CC2D2A: variants seen among roughly 807,000 people sequenced by gnomAD.
CC2D2A encodes coiled-coil and C2 domain-containing protein 2A.
A neutral mutation model predicts 212.9 loss-of-function variants in CC2D2A; 155 were observed. That is an observed-to-expected ratio of 0.73 (90% CI 0.64 to 0.83). The LOEUF (loss-of-function observed/expected upper bound fraction) is 0.83, where lower values mean the gene tolerates loss of function less well. CC2D2A is among the 40% of genes least tolerant of loss of function. The probability of loss-of-function intolerance (pLI) is 0.00; values close to 1 mark genes in which losing one functional copy is unlikely to be tolerated. For missense variants in CC2D2A, 1,856 were observed against 1,956.2 expected, an observed-to-expected ratio of 0.95 and a Z score of 0.97; for synonymous variants, 667 against 686.5, an observed-to-expected ratio of 0.97 and a Z score of 0.44.
intron 4 of CC2D2A, among the ~76,000 whole-genome samples, chr4:15,494,977 C>T (rs1715530202): frequency 6.6e-6 from 1 of 152,164 alleles, no homozygotes; most frequent in South Asian, 2.1e-4. Flanking sequence ...GGGTAAACTG[C>T]ATATTGAGGG....
chr4:15,574,460 C>T, intron 29 of CC2D2A, 134 bp downstream of exon 29: 4 of 668,402 alleles, frequency 6.0e-6, no homozygotes, highest in Non-Finnish European at 9.4e-6. Context: ...ATTATTCTTT[C>T]AGTTTAGATA....
At chr4:15,547,004 A>T (rs537888573) in intron 17 of CC2D2A, among the ~76,000 whole-genome samples, 19 of 152,278 alleles carry the variant, frequency 1.2e-4, no homozygotes, top group Non-Finnish European at 2.1e-4. Context: ...TAATGGGAGA[A>T]TTCCCATTAA....
rs1560188288 is a variant in CC2D2A at position 15,570,447 on chromosome 4, G to A, written c.3545G>A (p.Trp1182Ter). The A allele has an allele frequency of 6.2e-7, 1 of 1,608,906 alleles. No individual in the cohort carries two copies. The highest frequency in any genetic ancestry group is 2.2e-5 in the East Asian group (1 of 44,778). ...SGIHTRIERH[W>*]LGCVKMPFST... ...ATCCATACTCGTATTGAGAGACACTGGCTGGGATGTGTGAAAATGCCATTT... is the reference window on the plus strand; with the variant it reads ...ATCCATACTCGTATTGAGAGACACTAGCTGGGATGTGTGAAAATGCCATTT... The change falls in exon 28 of 37, where the codon TGG becomes TAG. Residue 1182 changes from tryptophan (W) to a stop codon, truncating the protein, a stop_gained. Transcript: ENST00000424120. LOFTEE classifies it high-confidence loss of function.
In CC2D2A at chr4:15,601,218, A is replaced by G. The variant is rs760384221; in HGVS notation, c.4675-19A>G. The stretch of plus-strand genomic sequence containing the variant: ...ATCTTCAAACTTCACTAATGACTAC[A>G]AATGTTTTTTCCCTTCAGTTCTCTG... On this transcript the variant is annotated intron_variant, in intron 36 of 36. Transcript: ENST00000424120. 1.4e-5 allele frequency: 22 copies of G among 1,598,396 alleles called. No homozygotes were observed. In the East Asian group the frequency reaches 2.5e-4, roughly 18 times the overall value.
chr4:15,580,736 G>A (rs562744492), intron 30 of CC2D2A, among the ~76,000 whole-genome samples: 1 of 150,592 alleles, frequency 6.6e-6, no homozygotes, highest in African/African-American at 2.4e-5. Flanking sequence ...CTTCCAAAAT[G>A]TATTACATAA....
chr4:15,567,773 G>C lies in CC2D2A; in HGVS notation c.3385G>C (p.Glu1129Gln). The change falls in exon 26 of 37, where the codon GAA becomes CAA. Residue 1129 changes from glutamate to glutamine, a missense_variant. Around this residue, in one of 5 missense-constraint regions of CC2D2A, gnomAD observed 1,512 missense variants for 1,579.3 expected, o/e 0.96. Transcript: ENST00000424120. Reference protein sequence around the residue: ...GPNPSWNEELELPFRAPNGDY... With the variant: ...GPNPSWNEELQLPFRAPNGDY... ...AAACCCTAGCTGGAATGAAGAACTA[G>C]AACTTCCATTTAGGTAAGCATATTT... The C allele has an allele frequency of 1.3e-6, 2 of 1,589,620 alleles. No individual in the cohort carries two copies. Among genetic ancestry groups the C allele is most frequent in the Non-Finnish European group, 1.7e-6 (2 of 1,171,836 alleles).
intron 16 of CC2D2A, among the ~76,000 whole-genome samples, chr4:15,540,603 G>A (rs893065564): frequency 6.6e-6 from 1 of 152,164 alleles, no homozygotes; most frequent in Non-Finnish European, 1.5e-5. Context: ...GCACAACAAT[G>A]AATGGACTCT....
At chr4:15,545,849 C>A (rs1718682351) in intron 17 of CC2D2A, among the ~76,000 whole-genome samples, 1 of 152,124 alleles carries the variant, frequency 6.6e-6, no homozygotes, top group African/African-American at 2.4e-5. Flanking sequence ...TGGCTCACAC[C>A]TATCATCCCA....
At chr4:15,578,231 T>TA (rs1245485298) in intron 29 of CC2D2A, among the ~76,000 whole-genome samples, 1 of 152,210 alleles carries the variant, frequency 6.6e-6, no homozygotes, top group African/African-American at 2.4e-5. Flanking sequence ...TGTTAAGATT[T>TA]AGATGTCAAG....
At chr4:15,557,572 A>G in intron 21 of CC2D2A, 65 bp downstream of exon 21, 1 of 1,074,012 alleles carries the variant, frequency 9.3e-7, no homozygotes. Flanking sequence ...TAGGTATACT[A>G]CTGTATATGT....
intron 14 of CC2D2A, among the ~76,000 whole-genome samples, chr4:15,534,683 G>A (rs1718028106): frequency 6.6e-6 from 1 of 152,094 alleles, no homozygotes; most frequent in African/African-American, 2.4e-5. Context: ...CAGACCTATT[G>A]CTTTGAAAAC....
Position 15,567,362 on chromosome 4 carries a change from C to T in CC2D2A, c.3183-15C>T. Reference sequence around the variant, plus strand: ...TCCTCTATCATTAATTTCCTTCATACATTTTCTCTCCTAGCAAATTCCAGC... The same window carrying T: ...TCCTCTATCATTAATTTCCTTCATATATTTTCTCTCCTAGCAAATTCCAGC... On this transcript the variant is annotated splice_polypyrimidine_tract_variant and intron_variant, in intron 24 of 36. Transcript: ENST00000424120. The T allele has an allele frequency of 6.3e-7, 1 of 1,578,760 alleles. No homozygotes were observed. Among genetic ancestry groups the T allele is most frequent in the South Asian group, 1.1e-5 (1 of 89,760 alleles).
chr4:15,550,860 C>G lies in CC2D2A; in HGVS notation c.2218C>G (p.Leu740Val). The change falls in exon 18 of 37, where the codon CTA becomes GTA. Residue 740 changes from leucine (L) to valine (V), a missense_variant. Coordinates refer to ENST00000424120, the MANE Select transcript of CC2D2A (RefSeq NM_001378615.1). Reference protein sequence around the residue: ...ETVGHSSPTLLAEVFLPIPET... With the variant: ...ETVGHSSPTLVAEVFLPIPET... ...TGTCGGACACAGTAGTCCCACCTTGCTAGCAGAAGTGTTTCTGCCTATTCC... is the reference window on the plus strand; with the variant it reads ...TGTCGGACACAGTAGTCCCACCTTGGTAGCAGAAGTGTTTCTGCCTATTCC... 2 of 1,595,752 alleles carry G rather than the reference C, an allele frequency of 1.3e-6. No individual in the cohort carries two copies. Among genetic ancestry groups the G allele is most frequent in the Non-Finnish European group, 1.7e-6 (2 of 1,165,806 alleles).
chr4:15,515,789 G>A, intron 9 of CC2D2A, 79 bp from the exon 10 acceptor site: 1 of 1,313,032 alleles, frequency 7.6e-7, no homozygotes, highest in South Asian at 1.5e-5. Context: ...GAAATCTCTG[G>A]TGATTAATTC....
chr4:15,513,793 GT>G (rs1337071082), intron 8 of CC2D2A, among the ~76,000 whole-genome samples: 2 of 152,172 alleles, frequency 1.3e-5, no homozygotes, highest in Admixed American at 6.5e-5. Context: ...CTTGTTTGAT[GT>G]TTTGGCATTC....
intron 33 of CC2D2A, 62 bp from the exon 34 acceptor site, chr4:15,596,023 C>T (rs1347855839): frequency 7.8e-7 from 1 of 1,281,294 alleles, no homozygotes; most frequent in South Asian, 1.6e-5. Context: ...TACATCCATG[C>T]ACACATACAT....
At chr4:15,575,073 T>C (rs953919439) in intron 29 of CC2D2A, among the ~76,000 whole-genome samples, 5 of 152,262 alleles carry the variant, frequency 3.3e-5, no homozygotes, top group Admixed American at 1.3e-4. Flanking sequence ...CATAGTTGTA[T>C]AGCATTTATA....
chr4:15,579,110 G>A (rs957293864), intron 29 of CC2D2A, among the ~76,000 whole-genome samples: 7 of 152,126 alleles, frequency 4.6e-5, no homozygotes. Context: ...ATGACAATAT[G>A]TGTGTAAAGG....
chr4:15,537,072 T>C lies in CC2D2A; in HGVS notation c.1760T>C (p.Val587Ala), dbSNP rs753143836. ...SLQQWKAWRK[V>A]QRAKKKKRKQ... ...CAACAGTGGAAGGCCTGGAGGAAAGTGCAAGTGTGTAAACAAACACTCAGC... is the reference window on the plus strand; with the variant it reads ...CAACAGTGGAAGGCCTGGAGGAAAGCGCAAGTGTGTAAACAAACACTCAGC... The change falls in exon 15 of 37, where the codon GTG becomes GCG. Residue 587 changes from valine to alanine, a missense_variant. Val to Ala is a moderately conservative substitution (Grantham distance 64). Coordinates refer to ENST00000424120, the MANE Select transcript of CC2D2A (RefSeq NM_001378615.1). The C allele has an allele frequency of 4.3e-6, 7 of 1,612,946 alleles. No homozygotes were observed. The highest frequency in any genetic ancestry group is 1.7e-5 in the Admixed American group (1 of 59,952).
Sources: gnomAD v4.1 joint callset for allele counts (sites outside exome capture counted in the v4.1 genomes callset) on GRCh38, gnomAD v4.1.1 for gene constraint, gnomAD v4.1.1 regional missense constraint, MANE v1.5 for transcripts, NCBI Gene and HGNC (gene_info 2026-07-23, HGNC 2026-07-21) for gene names.